The following ATXN1 variants were observed in gnomAD, a reference collection of about 807,000 sequenced individuals.
ATXN1 encodes ataxin-1.
ATXN1 carries 8 observed loss-of-function variants against 56.4 expected under a neutral mutation model. That is an observed-to-expected ratio of 0.14 (90% CI 0.08 to 0.26). The LOEUF (loss-of-function observed/expected upper bound fraction) is 0.26. Ranked by LOEUF, ATXN1 falls within the 10% of genes least tolerant of loss-of-function variation. ATXN1 has a pLI of 1.00. For missense variants in ATXN1, 987 were observed against 1,106.5 expected (o/e 0.89, Z 1.53); for synonymous variants, 514 against 494.6 (o/e 1.04, Z -0.52).
intron 4 of ATXN1, among the ~76,000 whole-genome samples, chr6:16,567,708 C>T (rs1036694785): frequency 3.3e-5 from 5 of 152,148 alleles, no homozygotes; most frequent in African/African-American, 1.2e-4. Flanking sequence ...TCTCCAGGAC[C>T]AGTGTTCCGC....
intron 4 of ATXN1, among the ~76,000 whole-genome samples, chr6:16,525,037 A>T (rs545771423): frequency 5.9e-5 from 9 of 152,178 alleles, no homozygotes; most frequent in Non-Finnish European, 1.2e-4. Flanking sequence ...GGGCAACAAG[A>T]GCAAAACAAA....
chr6:16,622,812 T>C (rs995232849), intron 3 of ATXN1, among the ~76,000 whole-genome samples: 2 of 152,158 alleles, frequency 1.3e-5, no homozygotes, highest in Non-Finnish European at 2.9e-5. Flanking sequence ...CCACATGTAC[T>C]CTCAGAACAG....
intron 6 of ATXN1, among the ~76,000 whole-genome samples, chr6:16,458,997 C>T (rs1759937332): frequency 6.6e-6 from 1 of 152,222 alleles, no homozygotes; most frequent in Non-Finnish European, 1.5e-5. Context: ...GTGTTAATCT[C>T]CTGCCCCAGA....
chr6:16,457,941 T>C (rs1367237226), intron 6 of ATXN1, among the ~76,000 whole-genome samples: 2 of 152,172 alleles, frequency 1.3e-5, no homozygotes, highest in African/African-American at 2.4e-5. Context: ...CTCTCTGAAT[T>C]AAAGCAGATC....
intron 3 of ATXN1, among the ~76,000 whole-genome samples, chr6:16,612,674 C>T (rs756357487): frequency 4.0e-5 from 6 of 151,690 alleles, no homozygotes; most frequent in Non-Finnish European, 8.8e-5. Flanking sequence ...AGGCAGATCA[C>T]GAGGTCAAGA....
intron 6 of ATXN1, among the ~76,000 whole-genome samples, chr6:16,344,035 T>C (rs987034547): frequency 3.9e-5 from 6 of 152,224 alleles, no homozygotes; most frequent in African/African-American, 7.2e-5. Context: ...AGTTCCCAGA[T>C]GCTGCTGATG....
At chr6:16,483,767 G>A (rs768523361) in intron 6 of ATXN1, among the ~76,000 whole-genome samples, 3 of 152,002 alleles carry the variant, frequency 2.0e-5, no homozygotes, top group Non-Finnish European at 1.5e-5. Flanking sequence ...TCAAAGCAAC[G>A]GTTAAAACAA....
chr6:16,376,062 T>C (rs979197206), intron 6 of ATXN1, among the ~76,000 whole-genome samples: 1 of 152,242 alleles, frequency 6.6e-6, no homozygotes, highest in Non-Finnish European at 1.5e-5. Flanking sequence ...TATTATTAGA[T>C]TTTCTGCATG....
intron 2 of ATXN1, among the ~76,000 whole-genome samples, chr6:16,710,149 GA>G (rs1759492000): frequency 6.6e-6 from 1 of 152,012 alleles, no homozygotes; most frequent in South Asian, 2.1e-4. Context: ...TGTACGATCA[GA>G]AAAAAAGTCC....
chr6:16,540,225 T>G (rs1408669309), intron 4 of ATXN1, among the ~76,000 whole-genome samples: 3 of 152,150 alleles, frequency 2.0e-5, no homozygotes, highest in Admixed American at 6.5e-5. Context: ...ATTATAATTA[T>G]TTTTGGAGAC....
chr6:16,696,327 G>A, intron 2 of ATXN1, among the ~76,000 whole-genome samples: 1 of 152,156 alleles, frequency 6.6e-6, no homozygotes, highest in East Asian at 1.9e-4. Flanking sequence ...GCATCGAGAA[G>A]AATTATGAGC....
At chr6:16,353,301 A>G (rs1371620090) in intron 6 of ATXN1, among the ~76,000 whole-genome samples, 4 of 152,198 alleles carry the variant, frequency 2.6e-5, no homozygotes, top group Non-Finnish European at 5.9e-5. Flanking sequence ...CCAAGAAAGC[A>G]GAAAGGAAAA....
chr6:16,547,063 A>C (rs1411967579), intron 4 of ATXN1, among the ~76,000 whole-genome samples: 1 of 152,274 alleles, frequency 6.6e-6, no homozygotes, highest in African/African-American at 2.4e-5. Flanking sequence ...AGGGAAAAGA[A>C]ACATTCCCTC....
At chr6:16,335,514 TAGA>T in intron 6 of ATXN1, among the ~76,000 whole-genome samples, 1 of 152,274 alleles carries the variant, frequency 6.6e-6, no homozygotes, top group Non-Finnish European at 1.5e-5. Context: ...TAATCCAAGC[TAGA>T]AGGAGTCCAC....
intron 4 of ATXN1, among the ~76,000 whole-genome samples, chr6:16,568,006 G>T (rs547434904): frequency 1.3e-5 from 2 of 151,998 alleles, no homozygotes; most frequent in African/African-American, 4.8e-5. Flanking sequence ...AATTATAAAC[G>T]TCAGAGCTCT....
intron 4 of ATXN1, among the ~76,000 whole-genome samples, chr6:16,542,300 A>G (rs1456690929): frequency 6.6e-6 from 1 of 152,114 alleles, no homozygotes; most frequent in Non-Finnish European, 1.5e-5. Context: ...ACCGCATCCT[A>G]TTTATTCATT....
At chr6:16,720,097 C>G (rs191281607) in intron 2 of ATXN1, among the ~76,000 whole-genome samples, 55 of 152,270 alleles carry the variant, frequency 3.6e-4, no homozygotes, top group Admixed American at 3.4e-3. Context: ...GGCCTCAGAG[C>G]CTTCACCTGG....
intron 4 of ATXN1, among the ~76,000 whole-genome samples, chr6:16,537,722 AG>A: frequency 6.6e-6 from 1 of 151,718 alleles, no homozygotes. Context: ...AAAGAAAAAA[AG>A]AAAAAAAGAA....
chr6:16,697,933 C>A (rs1183423949), intron 2 of ATXN1, among the ~76,000 whole-genome samples: 2 of 152,156 alleles, frequency 1.3e-5, no homozygotes, highest in Non-Finnish European at 2.9e-5. Flanking sequence ...ACTCAGGCAC[C>A]CGGAAGCTTT....
Sources: allele counts gnomAD v4.1 joint callset (sites outside exome capture counted in the v4.1 genomes callset), GRCh38; gene constraint gnomAD v4.1.1; transcripts MANE v1.5; gene names NCBI Gene and HGNC (gene_info 2026-07-23, HGNC 2026-07-21).